The following PACSIN2 variants were observed in gnomAD, a reference collection of about 807,000 sequenced individuals.
PACSIN2 encodes protein kinase C and casein kinase substrate in neurons 2.
PACSIN2 carries 25 observed loss-of-function variants against 63.8 expected under a neutral mutation model. The observed-to-expected ratio is 0.39, with a 90% CI of 0.29 to 0.55. The LOEUF (loss-of-function observed/expected upper bound fraction) is 0.55, where lower values mean the gene tolerates loss of function less well. PACSIN2 is among the 20% of genes least tolerant of loss of function. The pLI, the probability that PACSIN2 is intolerant of heterozygous loss-of-function variation, is 0.62. For synonymous variants in PACSIN2, 255 were observed against 256.2 expected (o/e 1.00, Z 0.05); for missense variants, 518 against 646.9 (o/e 0.80, Z 2.16).
intron 4 of PACSIN2, among the ~76,000 whole-genome samples, chr22:42,889,825 G>T (rs1929772442): frequency 6.6e-6 from 1 of 151,830 alleles, no homozygotes; most frequent in African/African-American, 2.4e-5. Context: ...GCTACTTTTA[G>T]AAAAACAGGT....
chr22:43,008,784 A>G (rs1480007220), intron 1 of PACSIN2, among the ~76,000 whole-genome samples: 1 of 152,248 alleles, frequency 6.6e-6, no homozygotes, highest in African/African-American at 2.4e-5. Flanking sequence ...CTCATCTGTG[A>G]GGACATACTT....
Position 42,982,240 on chromosome 22 carries a change from G to A in PACSIN2, c.-78+32781C>T, listed in dbSNP as rs544837420. On this transcript the variant is annotated intron_variant, in intron 1 of 10. Transcript: ENST00000263246. ...CTCTGCCTGGCCAGCCGCCCCGTCC[G>A]GGAGGGTGGTGGGGGGGTCAGCCCC... Among the ~76,000 whole-genome samples the A allele has an allele frequency of 4.2e-4, 28 of 67,114 alleles. No homozygotes were observed. In the South Asian group the frequency reaches 0.019, roughly 46 times the overall value. 44.0% of individuals were successfully genotyped at this position (67,114 alleles called of 152,430 possible).
chr22:42,895,078 G>C (rs1930183360), intron 2 of PACSIN2, among the ~76,000 whole-genome samples: 1 of 152,184 alleles, frequency 6.6e-6, no homozygotes, highest in Non-Finnish European at 1.5e-5. Flanking sequence ...TCCAGAGGCA[G>C]ATGAGACTTC....
chr22:42,929,086 G>C (rs956092370), intron 1 of PACSIN2, among the ~76,000 whole-genome samples: 1 of 152,208 alleles, frequency 6.6e-6, no homozygotes, highest in African/African-American at 2.4e-5. Flanking sequence ...CAGTGAGCAT[G>C]GCTGCAAAGA....
chr22:42,925,690 T>C (rs924168251), intron 1 of PACSIN2, among the ~76,000 whole-genome samples: 6 of 152,216 alleles, frequency 3.9e-5, no homozygotes, highest in African/African-American at 1.4e-4. Flanking sequence ...AGAGCATTTA[T>C]GTGAAGGTGC....
At chr22:43,013,337 T>C (rs1924626399) in intron 1 of PACSIN2, among the ~76,000 whole-genome samples, 1 of 152,208 alleles carries the variant, frequency 6.6e-6, no homozygotes, top group African/African-American at 2.4e-5. Flanking sequence ...TTAAGTCTAT[T>C]GTCAAAAGAA....
intron 7 of PACSIN2, among the ~76,000 whole-genome samples, chr22:42,881,916 G>A (rs738537): frequency 0.36 from 54,464 of 151,994 alleles, 10,872 homozygotes; most frequent in Non-Finnish European, 0.45. Flanking sequence ...GGGAATGCCA[G>A]TGGCCAAAAA....
intron 1 of PACSIN2, among the ~76,000 whole-genome samples, chr22:42,972,938 A>T (rs1921433069): frequency 6.6e-6 from 1 of 152,232 alleles, no homozygotes; most frequent in African/African-American, 2.4e-5. Context: ...ACAAAATTCT[A>T]GAAATAAAAG....
intron 1 of PACSIN2, among the ~76,000 whole-genome samples, chr22:42,919,976 T>C (rs183698112): frequency 6.7e-6 from 1 of 149,764 alleles, no homozygotes; most frequent in African/African-American, 2.5e-5. Context: ...GGGGTGGTGG[T>C]ACACACCTGT....
At chr22:42,896,704 T>A in intron 2 of PACSIN2, among the ~76,000 whole-genome samples, 1 of 152,236 alleles carries the variant, frequency 6.6e-6, no homozygotes, top group Non-Finnish European at 1.5e-5. Flanking sequence ...CTACCCAAAG[T>A]GACTGGACAG....
intron 10 of PACSIN2, among the ~76,000 whole-genome samples, chr22:42,874,434 A>C (rs2092664): frequency 0.43 from 65,736 of 152,108 alleles, 14,748 homozygotes; most frequent in Non-Finnish European, 0.48. Context: ...AGGCTGTTTT[A>C]TAAAACTATG....
rs748602959 is a variant in PACSIN2 at position 42,876,904 on chromosome 22, C to T, written c.1135G>A (p.Asp379Asn). 8.1e-6 allele frequency: 13 copies of T among 1,614,182 alleles called. No homozygotes were observed. The highest frequency in any genetic ancestry group is 1.7e-5 in the Admixed American group (1 of 60,028). ...TTCACCAACTTTTTGGCCTTAGTGTCGTCCTTCTCACTGACGGTGCTGCCC... is the reference window on the plus strand; with the variant it reads ...TTCACCAACTTTTTGGCCTTAGTGTTGTCCTTCTCACTGACGGTGCTGCCC... Reference protein sequence around the residue: ...DTGSTVSEKDDTKAKNVSSYE... With the variant: ...DTGSTVSEKDNTKAKNVSSYE... The change falls in exon 9 of 11, where the codon GAC becomes AAC. Residue 379 changes from aspartate (D) to asparagine (N), a missense_variant. By Grantham distance (23) the Asp-to-Asn change is conservative (BLOSUM62 1). This residue lies in a region of PACSIN2 where 507 missense variants were observed against 612.3 expected (regional missense o/e 0.83). Transcript: ENST00000263246.
chr22:42,877,133 G>C, intron 8 of PACSIN2, 123 bp from the exon 9 acceptor site: 1 of 1,045,026 alleles, frequency 9.6e-7, no homozygotes, highest in South Asian at 1.4e-5. Context: ...AGGGGACCGT[G>C]GTGTTTCAAC....
chr22:42,874,852 C>CT (rs777530387), intron 10 of PACSIN2, among the ~76,000 whole-genome samples: 1,640 of 128,148 alleles, frequency 0.013, 37 homozygotes, highest in African/African-American at 0.038. Flanking sequence ...TGGGCATCCG[C>CT]TTTTTTTTTT....
intron 2 of PACSIN2, among the ~76,000 whole-genome samples, chr22:42,894,526 GC>G (rs1930144971): frequency 6.6e-6 from 1 of 152,192 alleles, no homozygotes. Flanking sequence ...CAGGCGTGAG[GC>G]ACCGCGCCCA....
intron 1 of PACSIN2, among the ~76,000 whole-genome samples, chr22:42,984,741 C>T (rs1390669658): frequency 6.6e-6 from 1 of 152,158 alleles, no homozygotes; most frequent in Admixed American, 6.5e-5. Context: ...TGGCCTTTGA[C>T]ACTTACAAGA....
rs139642820 is a variant in PACSIN2, at chr22:42,926,826, T to C, written c.-77-14669A>G. On this transcript the variant is annotated intron_variant, in intron 1 of 10. Transcript: ENST00000263246. ...CCACTGCACTCCTGCCTCGGCAACA[T>C]AGAGAGACCCTATCTCTTAAAAAAA... Among the ~76,000 whole-genome samples the C allele has an allele frequency of 2.3e-3, 354 of 151,100 alleles. 1 individual carries two copies. The highest frequency in any genetic ancestry group is 8.3e-3 in the African/African-American group (341 of 41,078).
intron 1 of PACSIN2, among the ~76,000 whole-genome samples, chr22:42,959,314 A>AT (rs1318755864): frequency 6.6e-6 from 1 of 152,256 alleles, no homozygotes; most frequent in African/African-American, 2.4e-5. Flanking sequence ...TGTAATAAAC[A>AT]TTAACGCCTT....
intron 1 of PACSIN2, among the ~76,000 whole-genome samples, chr22:42,991,523 G>A (rs1923037708): frequency 6.6e-6 from 1 of 152,216 alleles, no homozygotes; most frequent in African/African-American, 2.4e-5. Context: ...GCCTCTGTAT[G>A]GCCCAGAGAA....
Sources: gnomAD v4.1 joint callset for allele counts (sites outside exome capture counted in the v4.1 genomes callset) on GRCh38, gnomAD v4.1.1 for gene constraint, gnomAD v4.1.1 regional missense constraint, MANE v1.5 for transcripts, NCBI Gene and HGNC (gene_info 2026-07-23, HGNC 2026-07-21) for gene names.